Variants in CFAP410 observed in about 807,000 individuals in gnomAD.
CFAP410 encodes cilia and flagella associated protein 410, also known as cilia- and flagella-associated protein 410.
CFAP410 carries 27 observed loss-of-function variants against 25.7 expected under a neutral mutation model. That is an observed-to-expected ratio of 1.05 (90% confidence interval 0.77 to 1.45). The LOEUF is 1.45. Ranked by LOEUF, CFAP410 falls within the 40% of genes most tolerant of loss-of-function variation. The probability of loss-of-function intolerance (pLI) is 0.00; values close to 1 mark genes in which losing one functional copy is unlikely to be tolerated. For missense variants in CFAP410, 428 were observed against 354.1 expected, an observed-to-expected ratio of 1.21 and a Z score of -1.67; for synonymous variants, 178 against 158.4, an observed-to-expected ratio of 1.12 and a Z score of -0.93.
chr21:44,334,073 T>A, intron 3 of CFAP410: 1 of 455,710 alleles, frequency 2.2e-6, no homozygotes. Flanking sequence ...AGAGCAAAAC[T>A]CCGGCTGTGG....
Position 44,333,067 on chromosome 21 carries a change from G to A in CFAP410, c.339C>T (p.Arg113=), listed in dbSNP as rs745430992. 124 of 1,605,102 alleles carry A rather than the reference G, an allele frequency of 7.7e-5. No individual in the cohort carries two copies. Among genetic ancestry groups the A allele is most frequent in the Non-Finnish European group, 1.0e-4 (120 of 1,175,224 alleles). Residue 113 remains arginine, a synonymous_variant, in exon 4 of 7, where the codon CGC becomes CGT. Coordinates refer to ENST00000339818, the MANE Select transcript of CFAP410 (RefSeq NM_004928.3). The part of the protein sequence containing the change: ...SPHRYRMTVL[R]TLPRLQKLDN... ...CCAGCTTCTGTAGGCGCGGCAGGGT[G>A]CGCAGCACGGTCATGCGGTAGCGGT...
intron 5 of CFAP410, 22 bp from the exon 6 acceptor site, chr21:44,330,941 G>A (rs779372374): frequency 6.4e-7 from 1 of 1,559,724 alleles, no homozygotes; most frequent in South Asian, 1.2e-5. Context: ...ACAAAGGCGT[G>A]TGAGGGTCAG....
At chr21:44,335,200 G>A (rs1402277115) in intron 3 of CFAP410, 1 of 154,864 alleles carries the variant, frequency 6.5e-6, no homozygotes, top group Non-Finnish European at 1.4e-5. Flanking sequence ...CTTCCCCAGA[G>A]CCCCCAAATA....
At chr21:44,335,184 T>G (rs1417482058) in intron 3 of CFAP410, 1 of 154,266 alleles carries the variant, frequency 6.5e-6, no homozygotes, top group Non-Finnish European at 1.4e-5. Context: ...TAAAGGGAGC[T>G]CTTCTCTTCC....
intron 3 of CFAP410, chr21:44,334,238 C>T (rs2047706416): frequency 2.2e-6 from 1 of 456,200 alleles, no homozygotes; most frequent in Non-Finnish European, 4.4e-6. Context: ...GGTCCTGTCC[C>T]TCCCGAGATG....
intron 2 of CFAP410, among the ~76,000 whole-genome samples, chr21:44,336,606 A>G (rs1045135913): frequency 1.3e-5 from 2 of 152,170 alleles, no homozygotes; most frequent in Non-Finnish European, 2.9e-5. Flanking sequence ...CAGCCTGGTC[A>G]GATGCGTCCC....
rs545183540 is a variant in CFAP410, at chr21:44,330,024, C to T, written c.*174G>A. 1.3e-4 allele frequency: 90 copies of T among 675,574 alleles called. No individual in the cohort carries two copies. Among genetic ancestry groups the T allele is most frequent in the Middle Eastern group, 1.2e-3 (3 of 2,462 alleles). The allele number at this position is 675,574 out of a possible 1,614,324, so 41.8% of individuals were successfully genotyped here. A position where few individuals can be genotyped will look rare whatever the true frequency, so the allele number is the denominator to read the frequency against. Reference sequence around the variant, plus strand: ...GACTGGTGTAGACAGGCATCTCCACCGCCCCGGTTAGCCAGTACCTAACAC... The same window carrying T: ...GACTGGTGTAGACAGGCATCTCCACTGCCCCGGTTAGCCAGTACCTAACAC... On this transcript the variant is annotated 3_prime_UTR_variant, in exon 7 of 7. Transcript: ENST00000339818.
chr21:44,339,223 G>T lies in CFAP410; in HGVS notation c.-29C>A. The T allele has an allele frequency of 7.2e-7, 1 of 1,388,248 alleles. No individual in the cohort carries two copies. Among genetic ancestry groups the T allele is most frequent in the Non-Finnish European group, 9.4e-7 (1 of 1,058,294 alleles). 86.0% of individuals were successfully genotyped at this position (1,388,248 alleles called of 1,614,324 possible). ...GGCCGCCCAGGCCCGACCGGCGGGC[G>T]CCCCCGGCCTCCTGATCCCGGGCGG... On this transcript the variant is annotated 5_prime_UTR_variant, in exon 1 of 7. Transcript: ENST00000339818.
chr21:44,331,188 A>G (rs1320957367), intron 5 of CFAP410: 1 of 538,630 alleles, frequency 1.9e-6, no homozygotes, highest in Non-Finnish European at 3.3e-6. Context: ...CCAGGGCTTC[A>G]GGGGCAGGGT....
chr21:44,335,715 G>C, intron 3 of CFAP410, 43 bp downstream of exon 3: 1 of 1,523,464 alleles, frequency 6.6e-7, no homozygotes, highest in Non-Finnish European at 9.0e-7. Flanking sequence ...CTCTGCCCCG[G>C]CTTCCAGGCC....
chr21:44,337,510 A>G (rs1021281545), intron 2 of CFAP410, 139 bp downstream of exon 2: 11 of 666,710 alleles, frequency 1.6e-5, no homozygotes, highest in Non-Finnish European at 2.8e-5. Flanking sequence ...TAAGTGAACA[A>G]AGTACCAAGT....
In CFAP410 at chr21:44,330,949, CA is replaced by C. The variant is rs762170021; in HGVS notation, c.546-31del. 3.2e-6 allele frequency: 5 copies of C among 1,540,432 alleles called. No homozygotes were observed. The Admixed American group carries it at 5.7e-5, about 17-fold the overall frequency. On this transcript the variant is annotated intron_variant, in intron 5 of 6. Coordinates refer to ENST00000339818, the MANE Select transcript of CFAP410 (RefSeq NM_004928.3). The stretch of plus-strand genomic sequence containing the variant: ...GAGGGAGACAAAGGCGTGTGAGGGT[CA>C]GGGGGCTCGTGGCACCGGGGGGGCC...
Position 44,330,915 on chromosome 21 carries a change from C to T in CFAP410, c.550G>A (p.Gly184Ser), listed in dbSNP as rs750561947. Residue 184 changes from glycine to serine, a missense_variant, in exon 6 of 7, where the codon GGC (glycine) becomes AGC (serine). By Grantham distance (56) the Gly-to-Ser change is moderately conservative. Transcript: ENST00000339818. Reference protein sequence around the residue: ...PLDSEEEATSGAQDERGLKPP... With the variant: ...PLDSEEEATSSAQDERGLKPP... ...TTCAGGCCACGTTCATCCTGGGCGCCGCTGCTGAGAGGGAGACAAAGGCGT... is the reference window on the plus strand; with the variant it reads ...TTCAGGCCACGTTCATCCTGGGCGCTGCTGCTGAGAGGGAGACAAAGGCGT... 63 of 1,590,088 alleles carry T rather than the reference C, an allele frequency of 4.0e-5. No individual in the cohort carries two copies. Among genetic ancestry groups the T allele is most frequent in the East Asian group, 1.4e-4 (6 of 44,072 alleles).
intron 2 of CFAP410, 105 bp from the exon 3 acceptor site, chr21:44,335,909 G>A (rs970793169): frequency 4.5e-5 from 37 of 820,878 alleles, no homozygotes; most frequent in Middle Eastern, 4.5e-4. Context: ...ACCCACTTCC[G>A]GGGCCTGAGG....
In CFAP410 at chr21:44,331,914, G is replaced by C. The variant is rs748897535; in HGVS notation, c.474C>G (p.Cys158Trp). 2 of 1,613,328 alleles carry C rather than the reference G, an allele frequency of 1.2e-6. No homozygotes were observed. Among genetic ancestry groups the C allele is most frequent in the Non-Finnish European group, 1.7e-6 (2 of 1,179,854 alleles). ...CGGAGCTGAGGGAGCTCAGTGTGCAGCATAGCTTGGGGCCGCCGTGGCCTG... is the reference window on the plus strand; with the variant it reads ...CGGAGCTGAGGGAGCTCAGTGTGCACCATAGCTTGGGGCCGCCGTGGCCTG... ...EGTGHGGPKL[C>W]CTLSSLSSAA... Residue 158 changes from cysteine to tryptophan, a missense_variant, in exon 5 of 7, where the codon TGC becomes TGG. Transcript: ENST00000339818.
Position 44,330,272 on chromosome 21 carries a change from C to T in CFAP410, c.697G>A (p.Glu233Lys). The T allele has an allele frequency of 6.2e-7, 1 of 1,607,098 alleles. No individual in the cohort carries two copies. Among genetic ancestry groups the T allele is most frequent in the Non-Finnish European group, 8.5e-7 (1 of 1,178,100 alleles). ...CTGCCCACAGTCTGCTGCACGGCCT[C>T]CAGCCCCTCTGCATCCAGCTCCCGC... ...LLRELDAEGL[E>K]AVQQTVGSRL... Residue 233 changes from glutamate to lysine, a missense_variant, in exon 7 of 7, where the codon GAG (glutamate) becomes AAG (lysine). Coordinates refer to ENST00000339818, the MANE Select transcript of CFAP410 (RefSeq NM_004928.3).
At position 44,330,238 on chromosome 21, in the gene CFAP410, T is replaced by G. The variant is rs2047618105; in HGVS notation, c.731A>C (p.Gln244Pro). ...CTGCACCTCTTCCCCACGCAGGGCC[T>G]GCAGCCGGCTGCCCACAGTCTGCTG... ...AVQQTVGSRL[Q>P]ALRGEEVQEH... The change falls in exon 7 of 7, where the codon CAG (glutamine) becomes CCG (proline). Residue 244 changes from glutamine to proline, a missense_variant. Coordinates refer to ENST00000339818, the MANE Select transcript of CFAP410 (RefSeq NM_004928.3). 6.3e-7 allele frequency: 1 copy of G among 1,590,876 alleles called. No homozygotes were observed. Among genetic ancestry groups the G allele is most frequent in the East Asian group, 2.3e-5 (1 of 44,032 alleles).
Position 44,333,277 on chromosome 21 carries a change from G to C in CFAP410, c.144-15C>G, listed in dbSNP as rs747034539. 4 of 1,596,222 alleles carry C rather than the reference G, an allele frequency of 2.5e-6. No individual in the cohort carries two copies. The East Asian group carries it at 9.1e-5, about 36-fold the overall frequency. On this transcript the variant is annotated splice_polypyrimidine_tract_variant and intron_variant, in intron 3 of 6. Transcript: ENST00000339818. Reference sequence around the variant, plus strand: ...TGCTGTTGACACTGCACGGAGACCAGCACAGTCAGCGAGGGACGTGGCCAG... The same window carrying C: ...TGCTGTTGACACTGCACGGAGACCACCACAGTCAGCGAGGGACGTGGCCAG...
Position 44,339,230 on chromosome 21 carries a change from G to A in CFAP410, c.-36C>T. On this transcript the variant is annotated 5_prime_UTR_variant, in exon 1 of 7. Coordinates refer to ENST00000339818, the MANE Select transcript of CFAP410 (RefSeq NM_004928.3). ...CAGGCCCGACCGGCGGGCGCCCCCG[G>A]CCTCCTGATCCCGGGCGGGTGACGA... The A allele has an allele frequency of 7.4e-7, 1 of 1,359,912 alleles. No individual in the cohort carries two copies. The highest frequency in any genetic ancestry group is 3.4e-5 in the Admixed American group (1 of 29,438). The allele number at this position is 1,359,912 out of a possible 1,614,324, so 84.2% of individuals were successfully genotyped here. A position where few individuals can be genotyped will look rare whatever the true frequency, so the allele number is the denominator to read the frequency against.
Sources: allele counts gnomAD v4.1 joint callset (sites outside exome capture counted in the v4.1 genomes callset), GRCh38; gene constraint gnomAD v4.1.1; transcripts MANE v1.5; gene names NCBI Gene and HGNC (gene_info 2026-07-23, HGNC 2026-07-21).